Variants in BBS9 observed in about 807,000 individuals in gnomAD.
BBS9 encodes the protein Bardet-Biedl syndrome 9, also known as protein PTHB1.
BBS9 carries 89 observed loss-of-function variants against 117.7 expected under a neutral mutation model. The observed-to-expected ratio is 0.76, with a 90% CI of 0.64 to 0.90. The LOEUF (loss-of-function observed/expected upper bound fraction) is 0.90, where lower values mean the gene tolerates loss of function less well. Among genes scored for constraint, BBS9 ranks in the 40% least tolerant of loss-of-function variants. BBS9 has a pLI of 0.00. For synonymous variants in BBS9, 379 were observed against 370.9 expected (o/e 1.02, Z -0.25); for missense variants, 982 against 1,042.2 (o/e 0.94, Z 0.80).
At chr7:33,210,751 C>T (rs1787855504) in intron 5 of BBS9, among the ~76,000 whole-genome samples, 1 of 152,008 alleles carries the variant, frequency 6.6e-6, no homozygotes, top group Non-Finnish European at 1.5e-5. Context: ...GTTGATCAGG[C>T]TGGTCTTGAA....
intron 6 of BBS9, among the ~76,000 whole-genome samples, chr7:33,261,536 T>C (rs1425927561): frequency 6.6e-6 from 1 of 152,212 alleles, no homozygotes; most frequent in East Asian, 1.9e-4. Flanking sequence ...CCATTTCTAG[T>C]AAAGTTCTCT....
intron 19 of BBS9, among the ~76,000 whole-genome samples, chr7:33,488,988 C>CTTTTT (rs869216155): frequency 1.1e-4 from 11 of 103,316 alleles, no homozygotes; most frequent in Non-Finnish European, 1.5e-4. Flanking sequence ...GGACAGACTT[C>CTTTTT]TTTTTTTTTT....
intron 5 of BBS9, among the ~76,000 whole-genome samples, chr7:33,215,808 CATG>C (rs1788943761): frequency 6.6e-6 from 1 of 152,188 alleles, no homozygotes. Context: ...AAGTAGATCT[CATG>C]ATGACAGAGA....
At chr7:33,449,943 CA>C (rs1837549985) in intron 19 of BBS9, among the ~76,000 whole-genome samples, 1 of 152,290 alleles carries the variant, frequency 6.6e-6, no homozygotes, top group East Asian at 1.9e-4. Flanking sequence ...ACCACATATA[CA>C]TTGTTGTGCA....
At position 33,557,002 on chromosome 7, in the gene BBS9, G is replaced by A. The variant is rs550519033; in HGVS notation, c.2521+22826G>A. Among the ~76,000 whole-genome samples, 7 of 152,196 alleles carry A rather than the reference G, an allele frequency of 4.6e-5. No individual in the cohort carries two copies. The South Asian group carries it at 1.2e-3, about 27-fold the overall frequency. The stretch of plus-strand genomic sequence containing the variant: ...CTTTATCTGGCTCATCAGTTATTCA[G>A]CAAGTATTTACTTAAGCCCCCTTTT... On this transcript the variant is annotated intron_variant, in intron 21 of 22. Transcript: ENST00000242067.
chr7:33,357,779 A>G (rs755636977), intron 15 of BBS9, 76 bp from the exon 16 acceptor site: 2 of 1,471,864 alleles, frequency 1.4e-6, no homozygotes, highest in Non-Finnish European at 1.9e-6. Context: ...TGCTGCTCAA[A>G]CTATTAGTAG....
chr7:33,165,617 T>C (rs531251437), intron 4 of BBS9, among the ~76,000 whole-genome samples: 1 of 152,172 alleles, frequency 6.6e-6, no homozygotes, highest in East Asian at 1.9e-4. Context: ...TTCCACTTGA[T>C]TGAATCAGCT....
At chr7:33,540,161 C>A (rs993087330) in intron 21 of BBS9, among the ~76,000 whole-genome samples, 11 of 152,114 alleles carry the variant, frequency 7.2e-5, no homozygotes, top group East Asian at 5.8e-4. Flanking sequence ...GCTAATGTGA[C>A]GTTTCAAAGC....
chr7:33,181,340 T>C lies in BBS9; in HGVS notation c.442+3749T>C, dbSNP rs182202459. ...AGGTGAGACATTTCTATATACTTCT[T>C]TGTACCTGGAAATCCCAAAGTGCTG... On this transcript the variant is annotated intron_variant, in intron 5 of 22. Transcript: ENST00000242067. Among the ~76,000 whole-genome samples, 7 of 152,278 alleles carry C rather than the reference T, an allele frequency of 4.6e-5. No individual in the cohort carries two copies. In the East Asian group the frequency reaches 9.7e-4, roughly 21 times the overall value.
intron 21 of BBS9, among the ~76,000 whole-genome samples, chr7:33,539,620 G>A (rs567842402): frequency 3.3e-5 from 5 of 152,248 alleles, no homozygotes; most frequent in East Asian, 1.9e-4. Flanking sequence ...AAAATATTCC[G>A]AGGCATGATC....
At chr7:33,491,832 A>T (rs1843946824) in intron 19 of BBS9, among the ~76,000 whole-genome samples, 1 of 152,186 alleles carries the variant, frequency 6.6e-6, no homozygotes, top group African/African-American at 2.4e-5. Context: ...TAAACTAGAG[A>T]TGAAGAGGCC....
intron 9 of BBS9, among the ~76,000 whole-genome samples, chr7:33,286,009 A>G (rs1190668530): frequency 6.6e-6 from 1 of 152,066 alleles, no homozygotes; most frequent in Non-Finnish European, 1.5e-5. Context: ...TACATTCCAT[A>G]GTAAGTCTAT....
At chr7:33,141,390 C>T (rs912580688) in intron 1 of BBS9, among the ~76,000 whole-genome samples, 1 of 152,102 alleles carries the variant, frequency 6.6e-6, no homozygotes, top group Non-Finnish European at 1.5e-5. Flanking sequence ...CACTATACTC[C>T]AGCCTGGGTG....
At chr7:33,579,148 T>C (rs1045047048) in intron 21 of BBS9, among the ~76,000 whole-genome samples, 1 of 152,164 alleles carries the variant, frequency 6.6e-6, no homozygotes, top group African/African-American at 2.4e-5. Context: ...AAATCCCTAA[T>C]AAAAGTGGGA....
intron 19 of BBS9, among the ~76,000 whole-genome samples, chr7:33,393,687 T>C (rs1361835564): frequency 6.6e-6 from 1 of 152,196 alleles, no homozygotes; most frequent in Admixed American, 6.5e-5. Context: ...GTAGCTCTTC[T>C]GGATAGCTCA....
chr7:33,162,690 AC>A (rs1795044843), intron 4 of BBS9, among the ~76,000 whole-genome samples: 1 of 152,030 alleles, frequency 6.6e-6, no homozygotes, highest in African/African-American at 2.4e-5. Flanking sequence ...GTATACTGAG[AC>A]TTTGCTAAAC....
chr7:33,593,578 G>A (rs1283516416), intron 21 of BBS9, among the ~76,000 whole-genome samples: 2 of 152,148 alleles, frequency 1.3e-5, no homozygotes, highest in Non-Finnish European at 2.9e-5. Context: ...TTCCTGAGCA[G>A]TAATTTTACA....
At chr7:33,223,699 A>G (rs980498289) in intron 5 of BBS9, among the ~76,000 whole-genome samples, 6 of 150,668 alleles carry the variant, frequency 4.0e-5, no homozygotes, top group African/African-American at 4.9e-5. Flanking sequence ...TTTTTTCACT[A>G]GATTATGAGT....
At chr7:33,163,619 G>C (rs1795212524) in intron 4 of BBS9, among the ~76,000 whole-genome samples, 1 of 152,148 alleles carries the variant, frequency 6.6e-6, no homozygotes, top group African/African-American at 2.4e-5. Context: ...TTTTTGCATA[G>C]AGGTGTTTAT....
Sources: allele counts gnomAD v4.1 joint callset (sites outside exome capture counted in the v4.1 genomes callset), GRCh38; gene constraint gnomAD v4.1.1; transcripts MANE v1.5; gene names NCBI Gene and HGNC (gene_info 2026-07-23, HGNC 2026-07-21).